Variants in RACGAP1 observed in about 807,000 individuals in gnomAD.
The protein encoded by RACGAP1 is Rac GTPase activating protein 1, also known as rac GTPase-activating protein 1.
In RACGAP1, 30 loss-of-function variants were observed where a neutral mutation model predicts 78.1. That is an observed-to-expected ratio of 0.38 (90% CI 0.29 to 0.52). RACGAP1 has a LOEUF of 0.52. Ranked by LOEUF, RACGAP1 falls within the 20% of genes least tolerant of loss-of-function variation. The pLI is 0.82. For missense variants in RACGAP1, 587 were observed against 777.1 expected (o/e 0.76, Z 2.91); for synonymous variants, 231 against 264.8 (o/e 0.87, Z 1.24).
chr12:50,028,480 C>T (rs771754974), upstream of RACGAP1, among the ~76,000 whole-genome samples: 1 of 152,318 alleles, frequency 6.6e-6, no homozygotes, highest in Non-Finnish European at 1.5e-5. Flanking sequence ...TTTAAAAATG[C>T]AATTATGGCT....
rs868174494 is a variant in RACGAP1 at position 50,025,292 on chromosome 12, C to A, written c.-5+106G>T. 11 of 985,368 alleles carry A rather than the reference C, an allele frequency of 1.1e-5. No individual in the cohort carries two copies. In the African/African-American group the frequency reaches 1.7e-4, roughly 16 times the overall value. 61.0% of individuals were successfully genotyped at this position (985,368 alleles called of 1,614,324 possible). ...GTGGCTGCCAGCCTGTCCCGCTGTCCCGCTGTCCCGGACCCCCGCGGCGGC... is the reference window on the plus strand; with the variant it reads ...GTGGCTGCCAGCCTGTCCCGCTGTCACGCTGTCCCGGACCCCCGCGGCGGC... On this transcript the variant is annotated intron_variant, in intron 1 of 16. Transcript: ENST00000312377.
chr12:49,993,085 G>T (rs763039606), intron 12 of RACGAP1, among the ~76,000 whole-genome samples: 11 of 152,174 alleles, frequency 7.2e-5, no homozygotes, highest in Admixed American at 1.3e-4. Context: ...TACCTATCAG[G>T]TAGAGTGATA....
chr12:50,015,759 A>G (rs1262079539), intron 2 of RACGAP1, among the ~76,000 whole-genome samples: 5 of 151,730 alleles, frequency 3.3e-5, no homozygotes, highest in Non-Finnish European at 7.4e-5. Context: ...CCGAGATCGC[A>G]CCACTGCACT....
chr12:49,993,663 C>T (rs977718878), intron 12 of RACGAP1, among the ~76,000 whole-genome samples: 1 of 151,192 alleles, frequency 6.6e-6, no homozygotes, highest in African/African-American at 2.4e-5. Context: ...GCAGGAGAAT[C>T]GCTTGAACCC....
intron 13 of RACGAP1, 60 bp downstream of exon 13, chr12:49,992,490 A>G: frequency 6.3e-7 from 1 of 1,588,166 alleles, no homozygotes; most frequent in South Asian, 1.1e-5. Flanking sequence ...CTCAACCCAC[A>G]TTATCTTCCC....
rs1441994687 is a variant in RACGAP1, at chr12:49,994,168, C to T, written c.1302G>A (p.Leu434=). 1.9e-6 allele frequency: 3 copies of T among 1,613,442 alleles called. No homozygotes were observed. The highest frequency in any genetic ancestry group is 2.5e-6 in the Non-Finnish European group (3 of 1,179,988). ...TAAAGGCTCTGTTAAGGCGAAAGGT[C>T]AGAAGAGGTTCTTTGAGGTTTCGAA... ...DFLRNLKEPL[L]TFRLNRAFME... Residue 434 remains leucine (L), a synonymous_variant, in exon 12 of 17, where the codon CTG becomes CTA. Transcript: ENST00000312377.
intron 7 of RACGAP1, among the ~76,000 whole-genome samples, chr12:50,000,401 T>C (rs1227080839): frequency 1.3e-5 from 2 of 151,688 alleles, no homozygotes; most frequent in Admixed American, 1.3e-4. Context: ...ATCATCCACC[T>C]GCCTAGGCCT....
exon 2 of RACGAP1, chr12:50,031,808 G>T (rs549246750): frequency 3.7e-4 from 352 of 962,656 alleles, no homozygotes; most frequent in Non-Finnish European, 4.2e-4. Flanking sequence ...TAGGCTTCCT[G>T]GTTCTTCCAG....
intron 3 of RACGAP1, 21 bp from the exon 4 acceptor site, chr12:50,005,413 A>T (rs1452620100): frequency 6.2e-7 from 1 of 1,613,398 alleles, no homozygotes. Flanking sequence ...AAGCAAAGTA[A>T]AACATCATAA....
chr12:50,000,327 T>C (rs1380444141), intron 7 of RACGAP1, among the ~76,000 whole-genome samples: 2 of 151,902 alleles, frequency 1.3e-5, no homozygotes, highest in Non-Finnish European at 2.9e-5. Flanking sequence ...GATTTTTGTA[T>C]TTTTAGTAGA....
At chr12:50,028,527 G>C (rs1214573839), upstream of RACGAP1, among the ~76,000 whole-genome samples, 2 of 152,208 alleles carry the variant, frequency 1.3e-5, no homozygotes, top group African/African-American at 4.8e-5. Context: ...CCAGCCCTTT[G>C]GGAGGCCGAG....
At chr12:50,030,046 G>A (rs1950317875), upstream of RACGAP1, among the ~76,000 whole-genome samples, 1 of 152,196 alleles carries the variant, frequency 6.6e-6, no homozygotes, top group Non-Finnish European at 1.5e-5. Flanking sequence ...TGAGACGACA[G>A]GATCACTGGA....
intron 4 of RACGAP1, 106 bp downstream of exon 4, chr12:50,005,150 T>C: frequency 6.5e-7 from 1 of 1,530,572 alleles, no homozygotes; most frequent in Non-Finnish European, 8.8e-7. Flanking sequence ...TTTCTGCTTT[T>C]TTCAGCACAC....
chr12:50,011,006 AG>A (rs1459951991), intron 2 of RACGAP1, among the ~76,000 whole-genome samples: 2 of 152,108 alleles, frequency 1.3e-5, no homozygotes, highest in Non-Finnish European at 2.9e-5. Flanking sequence ...TAAGGAGTCA[AG>A]GGATACTTGG....
At chr12:50,004,072 T>C (rs1157431795) in intron 5 of RACGAP1, among the ~76,000 whole-genome samples, 163 bp downstream of exon 5, 1 of 152,232 alleles carries the variant, frequency 6.6e-6, no homozygotes, top group Non-Finnish European at 1.5e-5. Context: ...CAGCCTCTTA[T>C]AGCTCATGTG....
At chr12:50,001,838 G>A (rs1279585960) in intron 6 of RACGAP1, among the ~76,000 whole-genome samples, 1 of 152,142 alleles carries the variant, frequency 6.6e-6, no homozygotes, top group Non-Finnish European at 1.5e-5. Context: ...GGCCGAGGCA[G>A]GTGGATCACC....
intron 2 of RACGAP1, among the ~76,000 whole-genome samples, chr12:50,011,582 A>G (rs1949334560): frequency 6.6e-6 from 1 of 152,208 alleles, no homozygotes; most frequent in South Asian, 2.1e-4. Context: ...GAATTAAAAC[A>G]AAAGTAGTGT....
At chr12:50,003,326 A>G (rs1365510240) in intron 5 of RACGAP1, among the ~76,000 whole-genome samples, 1 of 152,218 alleles carries the variant, frequency 6.6e-6, no homozygotes, top group African/African-American at 2.4e-5. Context: ...GAAATATCGT[A>G]TCATAGGTCT....
At chr12:50,019,966 T>C (rs1298163127) in intron 1 of RACGAP1, among the ~76,000 whole-genome samples, 1 of 152,200 alleles carries the variant, frequency 6.6e-6, no homozygotes, top group Non-Finnish European at 1.5e-5. Context: ...GGTCTGATAG[T>C]TGTTACTTCC....
Sources: gnomAD v4.1 joint callset for allele counts (sites outside exome capture counted in the v4.1 genomes callset) on GRCh38, gnomAD v4.1.1 for gene constraint, MANE v1.5 for transcripts, NCBI Gene and HGNC (gene_info 2026-07-23, HGNC 2026-07-21) for gene names.